The following CLIC5 variants were observed in gnomAD, a reference collection of about 807,000 sequenced individuals.
CLIC5 encodes chloride intracellular channel protein 5.
Under a neutral mutation model 24.7 loss-of-function variants are expected in CLIC5, and 20 were observed. The ratio of observed to expected loss-of-function variants is 0.81; its 90% confidence interval spans 0.57 to 1.18. CLIC5 has a LOEUF of 1.18. Ranked by LOEUF, CLIC5 falls within the 50% of genes most tolerant of loss-of-function variation. The probability of loss-of-function intolerance (pLI) is 0.00; values close to 1 mark genes in which losing one functional copy is unlikely to be tolerated. For synonymous variants in CLIC5, 159 were observed against 135.6 expected (o/e 1.17, Z -1.20); for missense variants, 341 against 326.1 (o/e 1.05, Z -0.35).
chr6:45,931,860 C>T (rs966623355), intron 4 of CLIC5, among the ~76,000 whole-genome samples: 1 of 152,072 alleles, frequency 6.6e-6, no homozygotes, highest in African/African-American at 2.4e-5. Flanking sequence ...TGGGTTTTGC[C>T]ATTTGGCCAG....
In CLIC5 at chr6:45,887,509, T is replaced by C. The variant is rs544648961; in HGVS notation, c.624-6321A>G. Among the ~76,000 whole-genome samples, 15 of 152,334 alleles carry C rather than the reference T, an allele frequency of 9.8e-5. No homozygotes were observed. The South Asian group carries it at 2.7e-3, about 27-fold the overall frequency. ...CATATGAGACCTCATTTTAACCTAA[T>C]GACATCTGCAAAAACCCTGTTTCCA... On this transcript the variant is annotated intron_variant, in intron 6 of 6. Transcript: ENST00000644324.
the CLIC5 span, among the ~76,000 whole-genome samples, chr6:46,113,165 G>C: frequency 6.6e-6 from 1 of 152,140 alleles, no homozygotes; most frequent in East Asian, 1.9e-4. Context: ...CTACTCAGGG[G>C]TCAGATCCTG....
upstream of CLIC5, among the ~76,000 whole-genome samples, chr6:46,080,580 C>T (rs1274535345): frequency 6.6e-6 from 1 of 152,142 alleles, no homozygotes; most frequent in Non-Finnish European, 1.5e-5. Flanking sequence ...TCCTGGTATA[C>T]ACTGAAATTT....
chr6:45,904,514 G>GC, intron 5 of CLIC5, among the ~76,000 whole-genome samples: 1 of 151,058 alleles, frequency 6.6e-6, no homozygotes, highest in Non-Finnish European at 1.5e-5. Flanking sequence ...TTTAAACAGG[G>GC]CCCCCCTGTT....
At chr6:45,992,755 C>G (rs371424917) in intron 1 of CLIC5, among the ~76,000 whole-genome samples, 1 of 152,178 alleles carries the variant, frequency 6.6e-6, no homozygotes, top group Non-Finnish European at 1.5e-5. Context: ...CTTATATAGA[C>G]TTAATACCAC....
At chr6:46,001,833 A>C (rs547621971) in intron 1 of CLIC5, among the ~76,000 whole-genome samples, 2 of 152,270 alleles carry the variant, frequency 1.3e-5, no homozygotes, top group East Asian at 3.9e-4. Flanking sequence ...AATATATCTA[A>C]AGGAGTAGGG....
At chr6:45,990,731 G>A (rs997085143) in intron 1 of CLIC5, among the ~76,000 whole-genome samples, 1 of 152,218 alleles carries the variant, frequency 6.6e-6, no homozygotes, top group Non-Finnish European at 1.5e-5. Context: ...TGAGCATCCA[G>A]AAAGGTCAAA....
At chr6:45,999,579 C>T (rs1045196440) in intron 1 of CLIC5, among the ~76,000 whole-genome samples, 1 of 152,008 alleles carries the variant, frequency 6.6e-6, no homozygotes, top group East Asian at 1.9e-4. Context: ...AGTGGGTCTT[C>T]CACCTCTGTC....
chr6:46,100,744 A>T, the CLIC5 span, among the ~76,000 whole-genome samples: 1 of 152,222 alleles, frequency 6.6e-6, no homozygotes, highest in African/African-American at 2.4e-5. Flanking sequence ...GAAAACTTCC[A>T]CTTTGTCCTC....
chr6:45,987,783 C>T (rs1479662940), intron 1 of CLIC5, among the ~76,000 whole-genome samples: 1 of 152,098 alleles, frequency 6.6e-6, no homozygotes, highest in Non-Finnish European at 1.5e-5. Context: ...ATAAATCCCC[C>T]AATCCTATTG....
At chr6:46,033,932 G>T (rs558736282) in intron 1 of CLIC5, among the ~76,000 whole-genome samples, 60 of 152,296 alleles carry the variant, frequency 3.9e-4, no homozygotes, top group African/African-American at 1.3e-3. Context: ...GTTAATACAA[G>T]AGGTTATTAT....
the CLIC5 span, among the ~76,000 whole-genome samples, chr6:46,108,373 T>TGC: frequency 8.4e-6 from 1 of 118,970 alleles, no homozygotes. Context: ...GGTCTTTGTG[T>TGC]GTGTGTGTGT....
At chr6:46,127,491 T>C in the CLIC5 span, among the ~76,000 whole-genome samples, 1 of 152,216 alleles carries the variant, frequency 6.6e-6, no homozygotes, top group African/African-American at 2.4e-5. Flanking sequence ...TTGCAAAAGC[T>C]GAGCTGAAAG....
At chr6:46,043,225 C>G (rs760240311) in intron 1 of CLIC5, among the ~76,000 whole-genome samples, 6 of 152,144 alleles carry the variant, frequency 3.9e-5, no homozygotes, top group Non-Finnish European at 7.4e-5. Flanking sequence ...GTACCATGTA[C>G]TGTGCTAGGT....
Position 45,955,254 on chromosome 6 carries a change from A to G in CLIC5, c.64-10T>C. 1 of 1,608,484 alleles carries G rather than the reference A, an allele frequency of 6.2e-7. No individual in the cohort carries two copies. The highest frequency in any genetic ancestry group is 8.5e-7 in the Non-Finnish European group (1 of 1,175,166). ...CTCCATCGATTCCAGCCTGGAAAGA[A>G]GAGAACCAGTGTCCTGAGTGGGCAG... On this transcript the variant is annotated splice_polypyrimidine_tract_variant and intron_variant, in intron 1 of 5. Transcript: ENST00000339561.
chr6:46,025,462 G>C (rs1767304420), intron 1 of CLIC5, among the ~76,000 whole-genome samples: 1 of 152,154 alleles, frequency 6.6e-6, no homozygotes, highest in Non-Finnish European at 1.5e-5. Flanking sequence ...GAAAGCGCTA[G>C]AGCTGGGGAT....
At chr6:45,959,840 T>C (rs771249768) in intron 1 of CLIC5, among the ~76,000 whole-genome samples, 3 of 152,234 alleles carry the variant, frequency 2.0e-5, no homozygotes, top group Admixed American at 6.5e-5. Flanking sequence ...CCAGAATGTT[T>C]AGAAGACATG....
At chr6:45,886,650 A>G (rs149968075) in intron 6 of CLIC5, among the ~76,000 whole-genome samples, 50 of 152,304 alleles carry the variant, frequency 3.3e-4, no homozygotes, top group African/African-American at 1.1e-3. Flanking sequence ...AAACTGCCAA[A>G]TAAGTAAGTC....
At chr6:46,107,419 T>C in the CLIC5 span, among the ~76,000 whole-genome samples, 1 of 152,226 alleles carries the variant, frequency 6.6e-6, no homozygotes, top group South Asian at 2.1e-4. Flanking sequence ...AGGCATAGTC[T>C]TCACATCCCT....
Sources: allele counts gnomAD v4.1 joint callset (sites outside exome capture counted in the v4.1 genomes callset), GRCh38; gene constraint gnomAD v4.1.1; transcripts MANE v1.5; gene names NCBI Gene and HGNC (gene_info 2026-07-23, HGNC 2026-07-21).